Variants in KCNA2 observed in about 807,000 individuals in gnomAD.
KCNA2 encodes potassium channel, voltage gated shaker related subfamily A, member 2.
In KCNA2, 11 loss-of-function variants were observed where a neutral mutation model predicts 33.4. The ratio of observed to expected loss-of-function variants is 0.33; its 90% CI spans 0.21 to 0.55. The LOEUF is 0.55. Among genes scored for constraint, KCNA2 ranks in the 20% least tolerant of loss-of-function variants. The pLI, the probability that KCNA2 is intolerant of heterozygous loss-of-function variation, is 0.93. For synonymous variants in KCNA2, 222 were observed against 231.3 expected (o/e 0.96, Z 0.37); for missense variants, 291 against 621.6 (o/e 0.47, Z 5.66).
Position 110,601,830 on chromosome 1 carries a change from A to ATG in KCNA2, c.*1452_*1453insCA, listed in dbSNP as rs2101386222. 2 of 1,225,560 alleles carry ATG rather than the reference A, an allele frequency of 1.6e-6. No homozygotes were observed. Among genetic ancestry groups the ATG allele is most frequent in the Admixed American group, 7.8e-5 (2 of 25,484 alleles). 75.9% of individuals were successfully genotyped at this position (1,225,560 alleles called of 1,614,324 possible). On this transcript the variant is annotated 3_prime_UTR_variant, in exon 3 of 3. Coordinates refer to ENST00000316361, the MANE Select transcript of KCNA2 (RefSeq NM_004974.4). ...TGTGTGTGTGTGTGTGTGTGTGTGT[A>ATG]TACATATACACACATATGTATGTAT...
At position 110,598,795 on chromosome 1, in the gene KCNA2, G is replaced by A. The variant is rs1649212816; in HGVS notation, c.*4488C>T. ...AGAGAGCATGTCAAATATTACTGAA[G>A]TTTCAGAAAGCACAGAGCCTTAATT... On this transcript the variant is annotated 3_prime_UTR_variant, in exon 3 of 3. Transcript: ENST00000316361. 1.0e-6 allele frequency: 1 copy of A among 985,160 alleles called. No individual in the cohort carries two copies. Among genetic ancestry groups the A allele is most frequent in the African/African-American group, 1.7e-5 (1 of 57,194 alleles). The allele number at this position is 985,160 out of a possible 1,614,324, so 61.0% of individuals were successfully genotyped here.
chr1:110,621,408 G>A (rs552786402), intron 1 of KCNA2, among the ~76,000 whole-genome samples: 56 of 152,100 alleles, frequency 3.7e-4, no homozygotes, highest in Non-Finnish European at 7.3e-4. Flanking sequence ...TAGAAAAGAA[G>A]ATCTTACATC....
Position 110,597,439 on chromosome 1 carries a change from T to TG in KCNA2, c.*5843dup. 1 of 985,292 alleles carries TG rather than the reference T, an allele frequency of 1.0e-6. No individual in the cohort carries two copies. The highest frequency in any genetic ancestry group is 1.2e-6 in the Non-Finnish European group (1 of 829,908). 61.0% of individuals were successfully genotyped at this position (985,292 alleles called of 1,614,324 possible). A position where few individuals can be genotyped will look rare whatever the true frequency, so the allele number is the denominator to read the frequency against. ...ACTTAGGATTTTCATGCCTAGAGGTTGTAAGGATGCTGTATGACAGCAGGC... is the reference window on the plus strand; with the variant it reads ...ACTTAGGATTTTCATGCCTAGAGGTTGGTAAGGATGCTGTATGACAGCAGGC... On this transcript the variant is annotated 3_prime_UTR_variant, in exon 3 of 3. Transcript: ENST00000316361.
rs925402151 is a variant in KCNA2 at position 110,598,234 on chromosome 1, A to G, written c.*5049T>C. ...GGCGGCCATCACCCACATACAAGTT[A>G]TTATGACAATGGGCCCCAGGAAAGC... On this transcript the variant is annotated 3_prime_UTR_variant, in exon 3 of 3. Transcript: ENST00000316361. The G allele has an allele frequency of 1.9e-6, 1 of 530,338 alleles. No homozygotes were observed. The highest frequency in any genetic ancestry group is 2.1e-5 in the African/African-American group (1 of 48,346). The allele number at this position is 530,338 out of a possible 1,614,324, so 32.9% of individuals were successfully genotyped here. A position where few individuals can be genotyped will look rare whatever the true frequency, so the allele number is the denominator to read the frequency against.
chr1:110,608,585 C>G (rs1042913005), upstream of KCNA2, among the ~76,000 whole-genome samples: 4 of 152,176 alleles, frequency 2.6e-5, no homozygotes, highest in African/African-American at 7.2e-5. Context: ...AGACTGGGAG[C>G]CTGCCTAGAG....
chr1:110,614,313 C>T (rs908954926), intron 1 of KCNA2, among the ~76,000 whole-genome samples: 2 of 152,192 alleles, frequency 1.3e-5, no homozygotes, highest in African/African-American at 4.8e-5. Flanking sequence ...GAGGAGAACA[C>T]TTTGACCCTA....
chr1:110,618,889 A>G (rs1290447563), intron 1 of KCNA2, among the ~76,000 whole-genome samples: 1 of 152,206 alleles, frequency 6.6e-6, no homozygotes, highest in East Asian at 1.9e-4. Context: ...ACCTGGCCCC[A>G]GATGCTCTAC....
upstream of KCNA2, among the ~76,000 whole-genome samples, chr1:110,607,042 T>A (rs1649673506): frequency 6.6e-6 from 1 of 151,208 alleles, no homozygotes; most frequent in South Asian, 2.1e-4. Flanking sequence ...CTGTGCACTC[T>A]TCTTGAGCAG....
In KCNA2 at chr1:110,598,470, G is replaced by C; in HGVS notation, c.*4813C>G. 1.0e-6 allele frequency: 1 copy of C among 985,332 alleles called. No homozygotes were observed. The highest frequency in any genetic ancestry group is 1.2e-6 in the Non-Finnish European group (1 of 829,902). The allele number at this position is 985,332 out of a possible 1,614,324, so 61.0% of individuals were successfully genotyped here. ...AGCCTGAGGAGCTTCAGAGGGTGCT[G>C]TCCTCTCTCCACATGGGTTGATACT... On this transcript the variant is annotated 3_prime_UTR_variant, in exon 3 of 3. Transcript: ENST00000316361.
In KCNA2 at chr1:110,602,014, C is replaced by T. The variant is rs1649376106; in HGVS notation, c.*1269G>A. The stretch of plus-strand genomic sequence containing the variant: ...GAGATACTCGATATATATTTATATA[C>T]ACTGGATCCACAGACCTGCCTGTCA... On this transcript the variant is annotated 3_prime_UTR_variant, in exon 3 of 3. Coordinates refer to ENST00000316361, the MANE Select transcript of KCNA2 (RefSeq NM_004974.4). 2 of 1,549,940 alleles carry T rather than the reference C, an allele frequency of 1.3e-6. No homozygotes were observed. The highest frequency in any genetic ancestry group is 1.2e-5 in the South Asian group (1 of 83,954).
chr1:110,601,964 G>C lies in KCNA2; in HGVS notation c.*1319C>G. 6.6e-7 allele frequency: 1 copy of C among 1,515,528 alleles called. No individual in the cohort carries two copies. Among genetic ancestry groups the C allele is most frequent in the Non-Finnish European group, 8.9e-7 (1 of 1,128,108 alleles). The allele number at this position is 1,515,528 out of a possible 1,614,324, so 93.9% of individuals were successfully genotyped here. On this transcript the variant is annotated 3_prime_UTR_variant, in exon 3 of 3. Transcript: ENST00000316361. ...AAATGCAATTTCTTTTCTATCACTA[G>C]CTAGGTAGAGGAACGCGTGAAAGAG...
chr1:110,621,923 C>G (rs1215306018), intron 1 of KCNA2, among the ~76,000 whole-genome samples: 1 of 152,094 alleles, frequency 6.6e-6, no homozygotes, highest in Non-Finnish European at 1.5e-5. Flanking sequence ...ACTAATGCTA[C>G]CAAATGTTTA....
Position 110,596,089 on chromosome 1 carries a change from A to G in KCNA2, c.*7194T>C. The stretch of plus-strand genomic sequence containing the variant: ...AGTCAGGCAGCCACCTGGGAGGGAA[A>G]GGAAAGAGGTGATCCTGTAGCCTGT... On this transcript the variant is annotated 3_prime_UTR_variant, in exon 3 of 3. Coordinates refer to ENST00000316361, the MANE Select transcript of KCNA2 (RefSeq NM_004974.4). 1.0e-6 allele frequency: 1 copy of G among 985,414 alleles called. No homozygotes were observed. The highest frequency in any genetic ancestry group is 4.7e-5 in the South Asian group (1 of 21,284). The allele number at this position is 985,414 out of a possible 1,614,324, so 61.0% of individuals were successfully genotyped here.
At chr1:110,618,872 G>A (rs74442976) in intron 1 of KCNA2, among the ~76,000 whole-genome samples, 16,001 of 152,240 alleles carry the variant, frequency 0.11, 904 homozygotes, top group South Asian at 0.16. Flanking sequence ...TCCGGCAGGC[G>A]AAGCAAACCT....
rs893125828 is a variant in KCNA2 at position 110,600,454 on chromosome 1, A to G, written c.*2829T>C. ...TTTGTGTATGTTCTGTGTAAATTCT[A>G]TATCTGTGCAGAGTGTGCATTTTAT... On this transcript the variant is annotated 3_prime_UTR_variant, in exon 3 of 3. Coordinates refer to ENST00000316361, the MANE Select transcript of KCNA2 (RefSeq NM_004974.4). The G allele has an allele frequency of 2.8e-5, 28 of 984,852 alleles. No individual in the cohort carries two copies. In the East Asian group the frequency reaches 4.6e-4, roughly 16 times the overall value. The allele number at this position is 984,852 out of a possible 1,614,324, so 61.0% of individuals were successfully genotyped here.
chr1:110,603,357 T>C lies in KCNA2; in HGVS notation c.1426A>G (p.Asn476Asp). The C allele has an allele frequency of 1.2e-6, 2 of 1,613,974 alleles. No homozygotes were observed. The highest frequency in any genetic ancestry group is 1.7e-6 in the Non-Finnish European group (2 of 1,179,994). Residue 476 changes from asparagine to aspartate, a missense_variant, in exon 3 of 3, where the codon AAC becomes GAC. By Grantham distance (23) the Asn-to-Asp change is conservative. This residue lies in a region of KCNA2 where 65 missense variants were observed against 95.1 expected (regional missense o/e 0.68). Transcript: ENST00000316361. This position sits in a 1 kb window ranked among gnomAD's most constrained non-coding sequence, Gnocchi z 5.7. Reference protein sequence around the residue: ...NNSNEDFREENLKTANCTLAN... With the variant: ...NNSNEDFREEDLKTANCTLAN... ...AAGGTACAGTTGGCTGTTTTCAAGT[T>C]TTCCTCTCTAAAGTCCTCATTACTG...
Position 110,604,929 on chromosome 1 carries a change from G to T in KCNA2, c.-147C>A. On this transcript the variant is annotated 5_prime_UTR_variant, in exon 3 of 3. Coordinates refer to ENST00000316361, the MANE Select transcript of KCNA2 (RefSeq NM_004974.4). The surrounding 1 kb of genome is among the most constrained non-coding windows in gnomAD (Gnocchi z 7.6). ...CCCCGAGAGCTCTCTGAGAGCTGGA[G>T]AGACAGCCTCGCTTGGCTGAAAGAC... The T allele has an allele frequency of 1.4e-6, 1 of 731,274 alleles. No individual in the cohort carries two copies. The highest frequency in any genetic ancestry group is 2.6e-5 in the East Asian group (1 of 38,156). The allele number at this position is 731,274 out of a possible 1,614,324, so 45.3% of individuals were successfully genotyped here.
In KCNA2 at chr1:110,594,293, C is replaced by CTA. The variant is rs57750111; in HGVS notation, c.*8988_*8989dup. Reference sequence around the variant, plus strand: ...GGCCATTTCCTCTCTCTCTCTCTCTCTATATATATATATACATATATATAT... The same window carrying CTA: ...GGCCATTTCCTCTCTCTCTCTCTCTCTATATATATATATATACATATATATAT... On this transcript the variant is annotated 3_prime_UTR_variant, in exon 3 of 3. Coordinates refer to ENST00000316361, the MANE Select transcript of KCNA2 (RefSeq NM_004974.4). The CTA allele has an allele frequency of 0.16, 124,385 of 783,552 alleles. 5,086 individuals carry two copies. Among genetic ancestry groups the CTA allele is most frequent in the East Asian group, 0.45 (3,409 of 7,586 alleles). The allele number at this position is 783,552 out of a possible 1,614,324, so 48.5% of individuals were successfully genotyped here.
At chr1:110,621,067 G>T (rs1650244944) in intron 1 of KCNA2, among the ~76,000 whole-genome samples, 1 of 152,184 alleles carries the variant, frequency 6.6e-6, no homozygotes, top group South Asian at 2.1e-4. Context: ...TAAAATAACT[G>T]AAGCGCCTCC....
Sources: gnomAD v4.1 joint callset for allele counts (sites outside exome capture counted in the v4.1 genomes callset) on GRCh38, gnomAD v4.1.1 for gene constraint, gnomAD v4.1.1 regional missense constraint, Gnocchi (gnomAD v3.1) non-coding constraint, MANE v1.5 for transcripts, NCBI Gene and HGNC (gene_info 2026-07-23, HGNC 2026-07-21) for gene names.